TOP2A: variants seen among roughly 807,000 people sequenced by gnomAD.
The protein encoded by TOP2A is DNA topoisomerase 2-alpha.
TOP2A carries 68 observed loss-of-function variants against 187.2 expected under a neutral mutation model. The ratio of observed to expected loss-of-function variants is 0.36; its 90% confidence interval spans 0.30 to 0.44. The LOEUF (loss-of-function observed/expected upper bound fraction) is 0.44. TOP2A is among the 20% of genes least tolerant of loss of function. The pLI, the probability that TOP2A is intolerant of heterozygous loss-of-function variation, is 1.00. For missense variants in TOP2A, 1,196 were observed against 1,808.7 expected, an observed-to-expected ratio of 0.66 and a Z score of 6.14; for synonymous variants, 542 against 593.2, an observed-to-expected ratio of 0.91 and a Z score of 1.25.
intron 2 of TOP2A, 77 bp downstream of exon 2, chr17:40,416,663 C>T: frequency 6.5e-7 from 1 of 1,539,336 alleles, no homozygotes; most frequent in East Asian, 2.3e-5. Context: ...AGGTCACACT[C>T]AGTACATGAA....
rs1209904409 is a variant in TOP2A at position 40,389,156 on chromosome 17, T to C, written c.*363A>G. On this transcript the variant is annotated 3_prime_UTR_variant, in exon 35 of 35. Transcript: ENST00000423485. The stretch of plus-strand genomic sequence containing the variant: ...AGAAAAGGAGGAAGAGTGACACTTT[T>C]AAATCAAACTGCTCTAGTTTTAGCT... 8.5e-6 allele frequency: 2 copies of C among 234,970 alleles called. No homozygotes were observed. Among genetic ancestry groups the C allele is most frequent in the African/African-American group, 2.2e-5 (1 of 45,174 alleles). 14.6% of individuals were successfully genotyped at this position (234,970 alleles called of 1,614,324 possible). A position where few individuals can be genotyped will look rare whatever the true frequency, so the allele number is the denominator to read the frequency against.
chr17:40,399,214 T>A, intron 24 of TOP2A, 83 bp from the exon 25 acceptor site: 1 of 985,982 alleles, frequency 1.0e-6, no homozygotes, highest in Admixed American at 2.4e-5. Flanking sequence ...GTCAAAAGTT[T>A]AAAACTGGAA....
Position 40,413,216 on chromosome 17 carries a change from T to C in TOP2A, c.555A>G (p.Glu185=). 1 of 1,561,190 alleles carries C rather than the reference T, an allele frequency of 6.4e-7. No homozygotes were observed. The highest frequency in any genetic ancestry group is 8.7e-7 in the Non-Finnish European group (1 of 1,151,018). ...TKFTVETASR[E]YKKMFKQTWM... ...TTGCCTGTTTGAACATTTTCTTGTA[T>C]TCTCTACTGGCTGTTTCCACAGTAA... is the stretch of plus-strand genomic sequence containing the variant. The change falls in exon 6 of 35, where the codon GAA becomes GAG. Residue 185 remains glutamate, a synonymous_variant. Transcript: ENST00000423485.
intron 29 of TOP2A, 52 bp downstream of exon 29, chr17:40,395,393 TAACA>T: frequency 8.3e-7 from 1 of 1,205,506 alleles, no homozygotes. Flanking sequence ...ATGTACTAGG[TAACA>T]AACACAATTT....
intron 27 of TOP2A, among the ~76,000 whole-genome samples, chr17:40,396,707 A>G (rs906516000): frequency 3.9e-5 from 6 of 152,194 alleles, no homozygotes; most frequent in Non-Finnish European, 8.8e-5. Flanking sequence ...TTTTTGAGGA[A>G]AACAAGGGAG....
At chr17:40,412,644 A>G (rs1261802745) in intron 7 of TOP2A, 115 bp downstream of exon 7, 3 of 783,086 alleles carry the variant, frequency 3.8e-6, no homozygotes, top group Non-Finnish European at 6.0e-6. Flanking sequence ...ACTCTGTCTC[A>G]AACAAACAAA....
intron 4 of TOP2A, among the ~76,000 whole-genome samples, chr17:40,414,144 A>G (rs1183969877): frequency 6.6e-6 from 1 of 152,234 alleles, no homozygotes; most frequent in Non-Finnish European, 1.5e-5. Flanking sequence ...AACAGAGGGA[A>G]ATGATTTATG....
rs1489444512 is a variant in TOP2A, at chr17:40,412,977, GAAGTA to G, written c.577-11_577-7del. 2 of 1,602,474 alleles carry G rather than the reference GAAGTA, an allele frequency of 1.2e-6. No homozygotes were observed. The highest frequency in any genetic ancestry group is 1.7e-6 in the Non-Finnish European group (2 of 1,174,084). ...CCCATATTATCCATCCATGTCTATG[GAAGTA>G]AAGAATAGGAAACATGAAAAATTCA... On this transcript the variant is annotated splice_region_variant and splice_polypyrimidine_tract_variant and intron_variant, in intron 6 of 34. Coordinates refer to ENST00000423485, the MANE Select transcript of TOP2A (RefSeq NM_001067.4).
At position 40,417,685 on chromosome 17, in the gene TOP2A, C is replaced by T. The variant is rs983964233; in HGVS notation, c.21+86G>A. The T allele has an allele frequency of 5.0e-6, 8 of 1,597,658 alleles. No homozygotes were observed. The African/African-American group carries it at 8.0e-5, about 16-fold the overall frequency. On this transcript the variant is annotated intron_variant, in intron 1 of 34. Coordinates refer to ENST00000423485, the MANE Select transcript of TOP2A (RefSeq NM_001067.4). ...AAGCCGGTCGCCGGCCTGACCGCAG[C>T]CCCAGAGCTTCACCCGTCACGGGCG...
rs1242390797 is a variant in TOP2A at position 40,413,469 on chromosome 17, C to G, written c.478+11G>C. 6.6e-7 allele frequency: 1 copy of G among 1,516,674 alleles called. No homozygotes were observed. Among genetic ancestry groups the G allele is most frequent in the Admixed American group, 2.3e-5 (1 of 42,840 alleles). The allele number at this position is 1,516,674 out of a possible 1,614,324, so 94.0% of individuals were successfully genotyped here. A position where few individuals can be genotyped will look rare whatever the true frequency, so the allele number is the denominator to read the frequency against. On this transcript the variant is annotated intron_variant, in intron 5 of 34. Transcript: ENST00000423485. ...TAGCAACAAATATGTTATTTCCCCT[C>G]AATACTCTACCTGTCACTTTCTTTT...
intron 16 of TOP2A, 52 bp downstream of exon 16, chr17:40,406,332 A>G (rs1195835992): frequency 2.3e-5 from 31 of 1,342,414 alleles, no homozygotes; most frequent in Non-Finnish European, 2.9e-5. Context: ...TCAACTGGCT[A>G]AAGTAGTGAT....
chr17:40,416,993 G>T (rs2035397845), intron 1 of TOP2A, 98 bp from the exon 2 acceptor site: 1 of 1,047,522 alleles, frequency 9.5e-7, no homozygotes. Context: ...ATGTCAACAT[G>T]CATTGCAATC....
At chr17:40,406,279 C>CTTTTTT in intron 16 of TOP2A, 105 bp downstream of exon 16, 1 of 677,630 alleles carries the variant, frequency 1.5e-6, no homozygotes, top group Non-Finnish European at 2.3e-6. Flanking sequence ...ATAAAACATT[C>CTTTTTT]TTTTTTTTTT....
chr17:40,404,983 T>C lies in TOP2A; in HGVS notation c.1954-100A>G, dbSNP rs568032662. The C allele has an allele frequency of 7.1e-4, 507 of 717,860 alleles. 3 individuals carry two copies. The African/African-American group carries it at 8.2e-3, about 12-fold the overall frequency. 44.5% of individuals were successfully genotyped at this position (717,860 alleles called of 1,614,324 possible). A position where few individuals can be genotyped will look rare whatever the true frequency, so the allele number is the denominator to read the frequency against. Reference sequence around the variant, plus strand: ...ACGAACAACAGAAAAACAAAAATACTGTTTTCCTTTTTTTTTTTTTTTGAG... The same window carrying C: ...ACGAACAACAGAAAAACAAAAATACCGTTTTCCTTTTTTTTTTTTTTTGAG... On this transcript the variant is annotated intron_variant, in intron 16 of 34. Transcript: ENST00000423485.
chr17:40,413,038 T>C (rs2035343099), intron 6 of TOP2A, 67 bp from the exon 7 acceptor site: 2 of 1,392,768 alleles, frequency 1.4e-6, no homozygotes. Flanking sequence ...GTAAATAACA[T>C]AAATTTATGA....
chr17:40,401,522 C>T (rs1025794522), intron 20 of TOP2A, among the ~76,000 whole-genome samples: 2 of 152,032 alleles, frequency 1.3e-5, no homozygotes, highest in African/African-American at 4.8e-5. Flanking sequence ...CCAACCTGGC[C>T]AACATGGTGA....
At chr17:40,398,471 A>G in intron 27 of TOP2A, 87 bp downstream of exon 27, 34 of 1,181,236 alleles carry the variant, frequency 2.9e-5, no homozygotes, top group Non-Finnish European at 3.8e-5. Flanking sequence ...TTTATTGCCA[A>G]TTGTGAACTA....
At position 40,396,588 on chromosome 17, in the gene TOP2A, T is replaced by C. The variant is rs527840931; in HGVS notation, c.3538-123A>G. On this transcript the variant is annotated intron_variant, in intron 27 of 34. Coordinates refer to ENST00000423485, the MANE Select transcript of TOP2A (RefSeq NM_001067.4). ...TAAAAACTAGTGATAAATTGCTCCA[T>C]AACCTAGTATACTATCAACAATAGT... 8 of 1,191,328 alleles carry C rather than the reference T, an allele frequency of 6.7e-6. No individual in the cohort carries two copies. The East Asian group carries it at 1.9e-4, about 29-fold the overall frequency. The allele number at this position is 1,191,328 out of a possible 1,614,324, so 73.8% of individuals were successfully genotyped here.
chr17:40,417,703 C>T (rs1241402103), intron 1 of TOP2A, 68 bp downstream of exon 1: 28 of 1,606,654 alleles, frequency 1.7e-5, no homozygotes, highest in Non-Finnish European at 2.3e-5. Context: ...CTTCACCCGT[C>T]ACGGGCGGCC....
Sources: gnomAD v4.1 joint callset for allele counts (sites outside exome capture counted in the v4.1 genomes callset) on GRCh38, gnomAD v4.1.1 for gene constraint, MANE v1.5 for transcripts, NCBI Gene and HGNC (gene_info 2026-07-23, HGNC 2026-07-21) for gene names.